Variants in MROH1 observed in about 807,000 individuals in gnomAD.
MROH1 encodes maestro heat like repeat family member 1.
A neutral mutation model predicts 116.5 loss-of-function variants in MROH1; 117 were observed. The ratio of observed to expected loss-of-function variants is 1.00; its 90% confidence interval spans 0.86 to 1.17. MROH1 has a LOEUF of 1.17. MROH1 is among the 50% of genes most tolerant of loss of function. The pLI, the probability that MROH1 is intolerant of heterozygous loss-of-function variation, is 0.00. For missense variants in MROH1, 1,873 were observed against 1,338.5 expected (o/e 1.40, Z -6.23); for synonymous variants, 921 against 583.9 (o/e 1.58, Z -8.32).
chr8:144,249,349 C>T (rs983731323), intron 32 of MROH1, among the ~76,000 whole-genome samples: 1 of 152,156 alleles, frequency 6.6e-6, no homozygotes, highest in Non-Finnish European at 1.5e-5. Context: ...TGAAAGCGCT[C>T]ATGTTTCCCT....
intron 1 of MROH1, among the ~76,000 whole-genome samples, chr8:144,155,584 T>G (rs1016874874): frequency 2.6e-5 from 4 of 152,238 alleles, no homozygotes; most frequent in African/African-American, 9.6e-5. Flanking sequence ...GAAACTTGTG[T>G]TGTTCAAGGA....
chr8:144,229,967 G>A (rs1194977786), intron 14 of MROH1, among the ~76,000 whole-genome samples: 1 of 135,576 alleles, frequency 7.4e-6, no homozygotes, highest in Non-Finnish European at 1.5e-5. Flanking sequence ...CTGGGAGGCA[G>A]AGGCTACAGT....
intron 4 of MROH1, chr8:144,175,649 T>C (rs528987148): frequency 1.0e-5 from 6 of 595,334 alleles, no homozygotes; most frequent in Middle Eastern, 8.3e-4. Flanking sequence ...ATAGGCTGGG[T>C]GCCAGGGCAC....
intron 7 of MROH1, among the ~76,000 whole-genome samples, chr8:144,187,646 A>G (rs748978669): frequency 6.6e-5 from 10 of 152,226 alleles, no homozygotes; most frequent in Non-Finnish European, 1.5e-4. Flanking sequence ...TGAATCGATC[A>G]TCACAGATTC....
rs932872314 is a variant in MROH1 at position 144,255,475 on chromosome 8, G to A, written c.3595-34G>A. ...GGGCTCAGATCTCCTGCGGCCTGGA[G>A]GGAGGCATGGCCCTGTGATGACTTC... is the stretch of plus-strand genomic sequence containing the variant. On this transcript the variant is annotated intron_variant, in intron 34 of 43. Coordinates refer to ENST00000326134, the MANE Select transcript of MROH1 (RefSeq NM_032450.3). 1.9e-3 allele frequency: 1,451 copies of A among 775,534 alleles called. 12 individuals are homozygous for A. The African/African-American group carries it at 0.021, about 11-fold the overall frequency. The allele number at this position is 775,534 out of a possible 1,614,324, so 48.0% of individuals were successfully genotyped here. A position where few individuals can be genotyped will look rare whatever the true frequency, so the allele number is the denominator to read the frequency against.
chr8:144,159,038 G>C (rs925725022), intron 1 of MROH1, among the ~76,000 whole-genome samples: 2 of 152,150 alleles, frequency 1.3e-5, no homozygotes, highest in Admixed American at 6.5e-5. Flanking sequence ...ACTCTGCCTG[G>C]CCGAATTTTC....
At chr8:144,186,911 G>A (rs1418908345) in intron 7 of MROH1, among the ~76,000 whole-genome samples, 2 of 151,688 alleles carry the variant, frequency 1.3e-5, no homozygotes, top group South Asian at 2.1e-4. Context: ...TGGGCAACAC[G>A]GTGAAACCCC....
intron 35 of MROH1, among the ~76,000 whole-genome samples, chr8:144,256,377 G>A (rs1317929325): frequency 7.5e-6 from 1 of 133,618 alleles, no homozygotes; most frequent in African/African-American, 2.9e-5. Context: ...ACACACCAGG[G>A]GGACAGCCTC....
intron 12 of MROH1, among the ~76,000 whole-genome samples, chr8:144,220,274 G>T (rs781370091): frequency 6.6e-6 from 1 of 152,072 alleles, no homozygotes; most frequent in Non-Finnish European, 1.5e-5. Flanking sequence ...TGCTTAATCC[G>T]CCTTCAGTGA....
At chr8:144,150,603 T>C (rs1244638755) in intron 1 of MROH1, among the ~76,000 whole-genome samples, 1 of 152,228 alleles carries the variant, frequency 6.6e-6, no homozygotes, top group Non-Finnish European at 1.5e-5. Flanking sequence ...AGCCTTTGAC[T>C]GGTGACACTT....
intron 12 of MROH1, among the ~76,000 whole-genome samples, chr8:144,217,898 G>A (rs1385444955): frequency 2.0e-5 from 3 of 150,588 alleles, no homozygotes; most frequent in African/African-American, 7.4e-5. Flanking sequence ...TCCCTCGGGT[G>A]GCTGCGTTAG....
intron 12 of MROH1, among the ~76,000 whole-genome samples, chr8:144,206,993 A>G (rs1193528552): frequency 6.6e-6 from 1 of 151,114 alleles, no homozygotes; most frequent in African/African-American, 2.4e-5. Flanking sequence ...AGATTGCATC[A>G]CTGCGCTCCA....
chr8:144,200,334 T>C, intron 11 of MROH1, 94 bp from the exon 12 acceptor site: 1 of 1,013,878 alleles, frequency 9.9e-7, no homozygotes, highest in Non-Finnish European at 1.4e-6. Context: ...GCAACTCTCC[T>C]CTGGCTCCTC....
At chr8:144,167,603 C>T (rs976148965) in intron 3 of MROH1, among the ~76,000 whole-genome samples, 16 of 151,510 alleles carry the variant, frequency 1.1e-4, no homozygotes, top group African/African-American at 3.2e-4. Context: ...CGGGGTGGAG[C>T]GGCCAGTTGG....
intron 1 of MROH1, among the ~76,000 whole-genome samples, chr8:144,156,296 G>C (rs1046035476): frequency 6.6e-6 from 1 of 150,630 alleles, no homozygotes; most frequent in African/African-American, 2.4e-5. Context: ...TCCTAGTTAA[G>C]GTAGTTCCCT....
Position 144,261,342 on chromosome 8 carries a change from C to T in MROH1, c.4833C>T (p.Leu1611=). ...AGCCGCAGGTGGACCTGGACCAGCT[C>T]ATTGCGGGTGAGCACCCCTCCACGG... ...RQQPQVDLDQ[L]IAALQILLKD... The change falls in exon 43 of 44, where the codon CTC becomes CTT. Residue 1611 remains leucine (L), a synonymous_variant. Transcript: ENST00000326134. 1 of 708,040 alleles carries T rather than the reference C, an allele frequency of 1.4e-6. No individual in the cohort carries two copies. Among genetic ancestry groups the T allele is most frequent in the Non-Finnish European group, 2.6e-6 (1 of 389,304 alleles). 43.9% of individuals were successfully genotyped at this position (708,040 alleles called of 1,614,324 possible).
chr8:144,203,428 G>A (rs1195420772), intron 12 of MROH1, among the ~76,000 whole-genome samples: 2 of 150,972 alleles, frequency 1.3e-5, no homozygotes, highest in East Asian at 2.0e-4. Context: ...AGCTCTCTGT[G>A]GAGGGGTTGG....
At chr8:144,254,626 G>A (rs1843381097) in intron 33 of MROH1, 187 bp from the exon 34 acceptor site, 3 of 590,414 alleles carry the variant, frequency 5.1e-6, no homozygotes, top group Non-Finnish European at 6.0e-6. Flanking sequence ...TCTGTTTACA[G>A]ATCCCTGGAG....
intron 10 of MROH1, among the ~76,000 whole-genome samples, chr8:144,198,087 A>T (rs1588095085): frequency 6.7e-6 from 1 of 150,060 alleles, no homozygotes; most frequent in East Asian, 2.0e-4. Flanking sequence ...AATAACAAGG[A>T]GCTACCTGGG....
Sources: allele counts gnomAD v4.1 joint callset (sites outside exome capture counted in the v4.1 genomes callset), GRCh38; gene constraint gnomAD v4.1.1; transcripts MANE v1.5; gene names NCBI Gene and HGNC (gene_info 2026-07-23, HGNC 2026-07-21).